The following SH3BP5 variants were observed in gnomAD, a reference collection of about 807,000 sequenced individuals.
SH3BP5 encodes the protein SH3 domain-binding protein 5.
A neutral mutation model predicts 43.3 loss-of-function variants in SH3BP5; 22 were observed. That is an observed-to-expected ratio of 0.51 (90% confidence interval 0.36 to 0.73). SH3BP5 has a LOEUF of 0.73. SH3BP5 is among the 30% of genes least tolerant of loss of function. The probability of loss-of-function intolerance (pLI) is 0.00; values close to 1 mark genes in which losing one functional copy is unlikely to be tolerated. For synonymous variants in SH3BP5, 255 were observed against 225.8 expected (o/e 1.13, Z -1.16); for missense variants, 529 against 586.9 (o/e 0.90, Z 1.02).
At chr3:15,268,877 C>T (rs181788911) in intron 4 of SH3BP5, among the ~76,000 whole-genome samples, 42 of 152,204 alleles carry the variant, frequency 2.8e-4, no homozygotes, top group Non-Finnish European at 4.7e-4. Context: ...CCCCTTCCAC[C>T]GTGTTAGGAC....
chr3:15,327,510 G>A (rs892064989), intron 2 of SH3BP5, among the ~76,000 whole-genome samples: 3 of 152,202 alleles, frequency 2.0e-5, no homozygotes, highest in African/African-American at 4.8e-5. Flanking sequence ...CACTCCACCT[G>A]TTCTTCTGCA....
At chr3:15,275,296 A>G (rs113158480) in intron 3 of SH3BP5, among the ~76,000 whole-genome samples, 37 of 152,376 alleles carry the variant, frequency 2.4e-4, no homozygotes, top group African/African-American at 8.7e-4. Flanking sequence ...ATTGCTTCTC[A>G]GTGTCATCAC....
rs549587708 is a variant in SH3BP5 at position 15,302,021 on chromosome 3, G to A, written c.330+2082C>T. ...GCATCACAGAACCATAAATCCCAGT[G>A]TTAAAGACTTTCAGGAAAGGAGGTT... is the stretch of plus-strand genomic sequence containing the variant. On this transcript the variant is annotated intron_variant, in intron 3 of 8. Coordinates refer to ENST00000383791, the MANE Select transcript of SH3BP5 (RefSeq NM_004844.5). Among the ~76,000 whole-genome samples, 8 of 152,282 alleles carry A rather than the reference G, an allele frequency of 5.3e-5. No individual in the cohort carries two copies. In the South Asian group the frequency reaches 1.7e-3, roughly 32 times the overall value.
chr3:15,258,766 G>T, intron 7 of SH3BP5, 65 bp downstream of exon 7: 1 of 1,421,570 alleles, frequency 7.0e-7, no homozygotes, highest in South Asian at 1.2e-5. Context: ...AGAAAGTGAG[G>T]ACCTTGGGAA....
intron 2 of SH3BP5, among the ~76,000 whole-genome samples, chr3:15,325,581 A>G (rs1445145763): frequency 6.6e-6 from 1 of 152,180 alleles, no homozygotes; most frequent in Non-Finnish European, 1.5e-5. Flanking sequence ...TACCATGTGT[A>G]TTTTAACTTT....
intron 4 of SH3BP5, among the ~76,000 whole-genome samples, chr3:15,267,843 GGTTT>G (rs1048380089): frequency 9.1e-4 from 139 of 152,234 alleles, no homozygotes; most frequent in African/African-American, 2.7e-3. Flanking sequence ...GCAGAAGCAT[GGTTT>G]GTTTATCTTT....
intron 2 of SH3BP5, among the ~76,000 whole-genome samples, chr3:15,315,599 C>G (rs2125126915): frequency 6.6e-6 from 1 of 152,208 alleles, no homozygotes; most frequent in Admixed American, 6.5e-5. Flanking sequence ...GGTCTTGGAC[C>G]CTTTTAAGGC....
intron 3 of SH3BP5, among the ~76,000 whole-genome samples, chr3:15,288,270 C>T (rs1393605605): frequency 2.6e-5 from 4 of 152,212 alleles, no homozygotes; most frequent in Non-Finnish European, 5.9e-5. Context: ...AAAACACCCT[C>T]GCAGTAACAA....
chr3:15,294,836 G>A (rs1697524789), intron 3 of SH3BP5, among the ~76,000 whole-genome samples: 1 of 152,108 alleles, frequency 6.6e-6, no homozygotes, highest in Non-Finnish European at 1.5e-5. Flanking sequence ...TGAAGGGTAG[G>A]CTGAGGCGTA....
At chr3:15,256,810 G>A in intron 8 of SH3BP5, 43 bp downstream of exon 8, 9 of 1,569,914 alleles carry the variant, frequency 5.7e-6, no homozygotes, top group Non-Finnish European at 7.8e-6. Context: ...AGGCTACAGA[G>A]GCAGTGTGGC....
intron 3 of SH3BP5, among the ~76,000 whole-genome samples, chr3:15,287,816 G>A (rs1399709591): frequency 1.3e-5 from 2 of 152,148 alleles, no homozygotes; most frequent in Admixed American, 1.3e-4. Flanking sequence ...CGTGTACACT[G>A]AACCACAGCA....
At chr3:15,332,991 T>C, upstream of SH3BP5, 1 of 705,448 alleles carries the variant, frequency 1.4e-6, no homozygotes, top group Non-Finnish European at 1.7e-6. Flanking sequence ...GAGCGAACCT[T>C]GGGAATGGCG....
chr3:15,256,666 G>A lies in SH3BP5; in HGVS notation c.1150+187C>T, dbSNP rs188530095. 23 of 663,498 alleles carry A rather than the reference G, an allele frequency of 3.5e-5. No individual in the cohort carries two copies. The African/African-American group carries it at 4.0e-4, about 12-fold the overall frequency. 41.1% of individuals were successfully genotyped at this position (663,498 alleles called of 1,614,324 possible). ...AAGCTCTACTTTATAGAAGCTGAGT[G>A]GAGCCAGGAGCCCCCCCAGAACAGC... On this transcript the variant is annotated intron_variant, in intron 8 of 8. Transcript: ENST00000383791.
At chr3:15,287,093 C>T (rs1697286164) in intron 3 of SH3BP5, among the ~76,000 whole-genome samples, 1 of 152,160 alleles carries the variant, frequency 6.6e-6, no homozygotes, top group South Asian at 2.1e-4. Context: ...CTGCAAAACA[C>T]AGATAATAAC....
At chr3:15,340,692 A>C (rs1360951716) in intron 1 of SH3BP5, among the ~76,000 whole-genome samples, 1 of 151,978 alleles carries the variant, frequency 6.6e-6, no homozygotes, top group African/African-American at 2.4e-5. Flanking sequence ...CGGAGGTTGC[A>C]GTAAGCCAAG....
chr3:15,270,969 C>A (rs1696780783), intron 3 of SH3BP5, among the ~76,000 whole-genome samples: 1 of 145,322 alleles, frequency 6.9e-6, no homozygotes, highest in Non-Finnish European at 1.5e-5. Flanking sequence ...GAATGTAAGA[C>A]ATCCCTAATC....
intron 3 of SH3BP5, among the ~76,000 whole-genome samples, chr3:15,290,820 C>T (rs1697392757): frequency 6.6e-6 from 1 of 152,134 alleles, no homozygotes; most frequent in Non-Finnish European, 1.5e-5. Context: ...AGGTAAACTC[C>T]CCCCATGCCC....
intron 3 of SH3BP5, among the ~76,000 whole-genome samples, chr3:15,279,083 T>C (rs1697049533): frequency 6.6e-6 from 1 of 151,992 alleles, no homozygotes; most frequent in African/African-American, 2.4e-5. Flanking sequence ...GGCAGTAGAA[T>C]CATTGGAACC....
At chr3:15,310,371 T>C (rs1698024718) in intron 2 of SH3BP5, among the ~76,000 whole-genome samples, 1 of 152,250 alleles carries the variant, frequency 6.6e-6, no homozygotes. Context: ...TTATAAAGCA[T>C]TTCTTTCAAT....
Sources: allele counts gnomAD v4.1 joint callset (sites outside exome capture counted in the v4.1 genomes callset), GRCh38; gene constraint gnomAD v4.1.1; transcripts MANE v1.5; gene names NCBI Gene and HGNC (gene_info 2026-07-23, HGNC 2026-07-21).